HEG1: variants seen among roughly 807,000 people sequenced by gnomAD.
HEG1 encodes the protein heart development protein with EGF like domains 1.
In HEG1, 56 loss-of-function variants were observed where a neutral mutation model predicts 125.6. That is an observed-to-expected ratio of 0.45 (90% confidence interval 0.36 to 0.56). The LOEUF (loss-of-function observed/expected upper bound fraction) is 0.56, where lower values mean the gene tolerates loss of function less well. Ranked by LOEUF, HEG1 falls within the 20% of genes least tolerant of loss-of-function variation. HEG1 has a pLI of 0.00. For missense variants in HEG1, 1,523 were observed against 1,670.0 expected (o/e 0.91, Z 1.53); for synonymous variants, 644 against 668.5 (o/e 0.96, Z 0.57).
intron 14 of HEG1, among the ~76,000 whole-genome samples, chr3:124,990,194 C>T (rs187290666): frequency 5.3e-5 from 8 of 152,266 alleles, no homozygotes; most frequent in Admixed American, 4.6e-4. Flanking sequence ...CCGTCCCACA[C>T]CCCATGTCTG....
intron 5 of HEG1, among the ~76,000 whole-genome samples, chr3:125,014,202 C>T (rs1025288007): frequency 6.6e-6 from 1 of 151,922 alleles, no homozygotes; most frequent in Non-Finnish European, 1.5e-5. Context: ...GCAGACTGAC[C>T]TCCTGAGAGA....
intron 6 of HEG1, among the ~76,000 whole-genome samples, chr3:125,011,429 A>G (rs1937156526): frequency 6.6e-6 from 1 of 152,214 alleles, no homozygotes; most frequent in Non-Finnish European, 1.5e-5. Context: ...TCTGCCCCTA[A>G]TACTTGCCTA....
chr3:125,040,269 G>A (rs1330228650), intron 1 of HEG1, among the ~76,000 whole-genome samples: 1 of 152,188 alleles, frequency 6.6e-6, no homozygotes, highest in Non-Finnish European at 1.5e-5. Flanking sequence ...CAAGGATCAA[G>A]GACTGATTCC....
At chr3:125,019,636 T>A in intron 4 of HEG1, 39 bp from the exon 5 acceptor site, 1 of 1,524,330 alleles carries the variant, frequency 6.6e-7, no homozygotes, top group Non-Finnish European at 9.0e-7. Flanking sequence ...ATTACATAGG[T>A]ATGAAAGAGA....
chr3:124,986,483 C>T (rs1936743821), intron 14 of HEG1, among the ~76,000 whole-genome samples: 1 of 152,206 alleles, frequency 6.6e-6, no homozygotes, highest in African/African-American at 2.4e-5. Context: ...CCTTAACCAA[C>T]ACCCAGGTCT....
intron 14 of HEG1, among the ~76,000 whole-genome samples, chr3:124,981,966 G>A (rs1936663346): frequency 6.6e-6 from 1 of 151,174 alleles, no homozygotes; most frequent in African/African-American, 2.4e-5. Context: ...GCAGTGGCAC[G>A]ATCTTGGCTC....
chr3:124,977,262 G>A (rs1266192761), intron 15 of HEG1, among the ~76,000 whole-genome samples: 1 of 152,168 alleles, frequency 6.6e-6, no homozygotes, highest in Non-Finnish European at 1.5e-5. Context: ...AGATTGCTCA[G>A]TCTTGGGCAT....
rs369946792 is a variant in HEG1, at chr3:125,006,432, G to A, written c.3194-1064C>T. ...ATATTAAATGCTTATCTTTCCCTCCGGATGGAAAACAAATAACTCAAGACA... is the reference window on the plus strand; with the variant it reads ...ATATTAAATGCTTATCTTTCCCTCCAGATGGAAAACAAATAACTCAAGACA... On this transcript the variant is annotated intron_variant, in intron 8 of 16. Transcript: ENST00000311127. Among the ~76,000 whole-genome samples the A allele has an allele frequency of 1.7e-4, 26 of 152,156 alleles. 1 individual carries two copies. Among genetic ancestry groups the A allele is most frequent in the Admixed American group, 1.1e-3 (17 of 15,290 alleles).
chr3:125,010,703 G>A, intron 6 of HEG1, 148 bp from the exon 7 acceptor site: 1 of 619,880 alleles, frequency 1.6e-6, no homozygotes, highest in Non-Finnish European at 2.8e-6. Context: ...AAAGTAAAAT[G>A]GGTTTCCCAG....
chr3:124,999,580 CT>C lies in HEG1; in HGVS notation c.3518-1758del, dbSNP rs1936971126. On this transcript the variant is annotated intron_variant, in intron 11 of 16. Transcript: ENST00000311127. Reference sequence around the variant, plus strand: ...TAATCCAGCCTGCTGGCAAATCACTCTGCTGGAGCAACTGTGCCCTGCACAG... The same window carrying C: ...TAATCCAGCCTGCTGGCAAATCACTCGCTGGAGCAACTGTGCCCTGCACAG... Among the ~76,000 whole-genome samples, 14 of 152,384 alleles carry C rather than the reference CT, an allele frequency of 9.2e-5. 1 individual carries two copies. The South Asian group carries it at 2.7e-3, about 29-fold the overall frequency.
In HEG1 at chr3:125,020,780, TG is replaced by T. The variant is rs1307370915; in HGVS notation, c.1252+11del. The T allele has an allele frequency of 1.9e-6, 3 of 1,603,702 alleles. No individual in the cohort carries two copies. The highest frequency in any genetic ancestry group is 2.6e-6 in the Non-Finnish European group (3 of 1,173,402). ...ATGTCCCTAATAGATCAAGTAAAGA[TG>T]GAATACTTACTTGGGGAATCATTTT... On this transcript the variant is annotated intron_variant, in intron 4 of 16. Coordinates refer to ENST00000311127, the MANE Select transcript of HEG1 (RefSeq NM_020733.2).
chr3:125,027,342 C>T lies in HEG1; in HGVS notation c.776G>A (p.Ser259Asn), dbSNP rs541785284. 3.1e-6 allele frequency: 5 copies of T among 1,613,980 alleles called. No homozygotes were observed. In the East Asian group the frequency reaches 8.9e-5, roughly 29 times the overall value. The change falls in exon 3 of 17, where the codon AGC (serine) becomes AAC (asparagine). Residue 259 changes from serine to asparagine, a missense_variant. Transcript: ENST00000311127. ...HSQEATTSAW[S>N]PSFLPALEMG... The stretch of plus-strand genomic sequence containing the variant: ...CTCCAAAGCAGGAAGAAAGGACGGG[C>T]TCCAAGCCGAAGTGGTGGCCTCTTG...
At chr3:125,003,466 A>G (rs1252697638) in intron 9 of HEG1, among the ~76,000 whole-genome samples, 2 of 152,200 alleles carry the variant, frequency 1.3e-5, no homozygotes, top group African/African-American at 2.4e-5. Flanking sequence ...GCTGTGTAGT[A>G]AAGAATTTAA....
chr3:124,977,187 C>T (rs1436313267), intron 15 of HEG1, among the ~76,000 whole-genome samples: 1 of 152,192 alleles, frequency 6.6e-6, no homozygotes, highest in Non-Finnish European at 1.5e-5. Flanking sequence ...CTTTGCCTTC[C>T]ACCATGATTA....
At chr3:124,974,949 G>T (rs1169493143) in intron 15 of HEG1, among the ~76,000 whole-genome samples, 1 of 152,210 alleles carries the variant, frequency 6.6e-6, no homozygotes. Context: ...TCAGGAGCCA[G>T]CAGGCACAGG....
At chr3:124,978,070 A>G in intron 14 of HEG1, 124 bp from the exon 15 acceptor site, 1 of 629,104 alleles carries the variant, frequency 1.6e-6, no homozygotes, top group Non-Finnish European at 2.8e-6. Context: ...CCTCGCCTAC[A>G]ACTTCCTACT....
chr3:125,055,774 G>A lies in HEG1; in HGVS notation c.117C>T (p.Arg39=). ...CGAGGGGCGCCAGGCTCAGCGCGCG[G>A]CGAGCCGGGGAAGGCGGCGGGTCCC... ...GTRDPPPSPA[R]RALSLAPLAG... The change falls in exon 1 of 17, where the codon CGC becomes CGT. Residue 39 remains arginine (R), a synonymous_variant. Transcript: ENST00000311127. The A allele has an allele frequency of 9.0e-6, 9 of 997,140 alleles. No individual in the cohort carries two copies. In the South Asian group the frequency reaches 1.8e-4, roughly 20 times the overall value. The allele number at this position is 997,140 out of a possible 1,614,324, so 61.8% of individuals were successfully genotyped here.
Position 124,969,081 on chromosome 3 carries a change from A to C in HEG1, c.*1571T>G, listed in dbSNP as rs529278920. ...ATATTTAGAGGACCTTGAAGAAACA[A>C]CCATGCCCGGGGCAGAACTGTCCCC... On this transcript the variant is annotated 3_prime_UTR_variant, in exon 17 of 17. Coordinates refer to ENST00000311127, the MANE Select transcript of HEG1 (RefSeq NM_020733.2). 1 of 152,288 alleles carries C rather than the reference A, an allele frequency of 6.6e-6. No individual in the cohort carries two copies. Among genetic ancestry groups the C allele is most frequent in the Non-Finnish European group, 1.5e-5 (1 of 68,036 alleles). 9.4% of individuals were successfully genotyped at this position (152,288 alleles called of 1,614,324 possible). A position where few individuals can be genotyped will look rare whatever the true frequency, so the allele number is the denominator to read the frequency against.
intron 1 of HEG1, among the ~76,000 whole-genome samples, chr3:125,042,264 T>C (rs1322287034): frequency 6.6e-6 from 1 of 152,024 alleles, no homozygotes; most frequent in East Asian, 1.9e-4. Context: ...CCTGTCTGTA[T>C]TAAAACTACA....
Sources: gnomAD v4.1 joint callset for allele counts (sites outside exome capture counted in the v4.1 genomes callset) on GRCh38, gnomAD v4.1.1 for gene constraint, MANE v1.5 for transcripts, NCBI Gene and HGNC (gene_info 2026-07-23, HGNC 2026-07-21) for gene names.